KIF1A: variants seen among roughly 807,000 people sequenced by gnomAD.
KIF1A encodes kinesin-like protein KIF1A.
In KIF1A, 46 loss-of-function variants were observed where a neutral mutation model predicts 227.3. That is an observed-to-expected ratio of 0.20 (90% confidence interval 0.16 to 0.26). The LOEUF is 0.26. Among genes scored for constraint, KIF1A ranks in the 10% least tolerant of loss-of-function variants. The pLI, the probability that KIF1A is intolerant of heterozygous loss-of-function variation, is 1.00. For synonymous variants in KIF1A, 1,022 were observed against 1,012.8 expected (o/e 1.01, Z -0.17); for missense variants, 1,683 against 2,485.9 (o/e 0.68, Z 6.87).
intron 17 of KIF1A, among the ~76,000 whole-genome samples, chr2:240,767,871 C>T (rs761453152): frequency 6.6e-6 from 1 of 152,242 alleles, no homozygotes; most frequent in Middle Eastern, 3.2e-3. Flanking sequence ...GAGGGCTCAG[C>T]CCTGGAGTCT....
Position 240,757,223 on chromosome 2 carries a change from C to T in KIF1A, c.2858+96G>A. 7.7e-7 allele frequency: 1 copy of T among 1,300,710 alleles called. No homozygotes were observed. The highest frequency in any genetic ancestry group is 1.4e-5 in the South Asian group (1 of 70,906). The allele number at this position is 1,300,710 out of a possible 1,614,324, so 80.6% of individuals were successfully genotyped here. A position where few individuals can be genotyped will look rare whatever the true frequency, so the allele number is the denominator to read the frequency against. ...CCTGCCTCGCCTGCCCTGGGAGGGC[C>T]CGGGCCAGGCCCCAGCGGTTCCTCT... On this transcript the variant is annotated intron_variant, in intron 27 of 48. Coordinates refer to ENST00000498729, the MANE Select transcript of KIF1A (RefSeq NM_001244008.2). This position sits in a 1 kb window ranked among gnomAD's most constrained non-coding sequence, Gnocchi z 6.2.
At chr2:240,808,578 A>T (rs2057612614) in intron 1 of KIF1A, among the ~76,000 whole-genome samples, 1 of 151,848 alleles carries the variant, frequency 6.6e-6, no homozygotes, top group Admixed American at 6.6e-5. Context: ...AGGCTGAGGT[A>T]GGAGGATCAC....
chr2:240,724,118 C>T (rs1283490965), intron 40 of KIF1A, 82 bp from the exon 41 acceptor site: 2 of 1,212,918 alleles, frequency 1.6e-6, no homozygotes, highest in East Asian at 4.7e-5. Flanking sequence ...TGACTTGCCC[C>T]ACTATCAAAC....
intron 2 of KIF1A, among the ~76,000 whole-genome samples, chr2:240,796,823 C>T (rs2126142673): frequency 6.6e-6 from 1 of 152,310 alleles, no homozygotes; most frequent in Non-Finnish European, 1.5e-5. Flanking sequence ...ACACCTGAAT[C>T]TCCAGCCCCT....
Position 240,726,420 on chromosome 2 carries a change from G to A in KIF1A, c.4122+406C>T, listed in dbSNP as rs2046007432. Reference sequence around the variant, plus strand: ...GAGGCCAGGAGTTTGAGAACAGCCTGGCCAACATGGCAAAACCCCATCTCT... The same window carrying A: ...GAGGCCAGGAGTTTGAGAACAGCCTAGCCAACATGGCAAAACCCCATCTCT... On this transcript the variant is annotated intron_variant, in intron 39 of 48. Coordinates refer to ENST00000498729, the MANE Select transcript of KIF1A (RefSeq NM_001244008.2). The surrounding 1 kb of genome is among the most constrained non-coding windows in gnomAD (Gnocchi z 5.2). Among the ~76,000 whole-genome samples the A allele has an allele frequency of 6.6e-6, 1 of 152,208 alleles. No homozygotes were observed. The highest frequency in any genetic ancestry group is 6.5e-5 in the Admixed American group (1 of 15,288).
chr2:240,777,795 G>T (rs893680878), intron 10 of KIF1A, among the ~76,000 whole-genome samples: 3 of 152,188 alleles, frequency 2.0e-5, no homozygotes, highest in African/African-American at 7.2e-5. Context: ...TGCCGGCCTC[G>T]CCTCCCTGCT....
At chr2:240,772,762 C>T (rs946442784) in intron 13 of KIF1A, among the ~76,000 whole-genome samples, 166 bp from the exon 14 acceptor site, 4 of 152,182 alleles carry the variant, frequency 2.6e-5, no homozygotes, top group African/African-American at 7.2e-5. Flanking sequence ...CGGGGGACCT[C>T]GGTGACCCCA....
chr2:240,751,804 G>A (rs1192921158), intron 27 of KIF1A, among the ~76,000 whole-genome samples: 2 of 151,892 alleles, frequency 1.3e-5, no homozygotes, highest in African/African-American at 4.8e-5. Context: ...GTGGCCCATG[G>A]GTCCATGGAT....
At chr2:240,782,957 G>T in intron 9 of KIF1A, 87 bp downstream of exon 9, 1 of 1,100,982 alleles carries the variant, frequency 9.1e-7, no homozygotes, top group East Asian at 2.4e-5. Context: ...CCAGACACAG[G>T]GCCCGGAAAC....
chr2:240,742,663 C>T (rs558371519), intron 34 of KIF1A, among the ~76,000 whole-genome samples: 1 of 152,266 alleles, frequency 6.6e-6, no homozygotes, highest in South Asian at 2.1e-4. Context: ...CCTGAAGTCC[C>T]CTCAAAGCCC....
chr2:240,767,099 G>T (rs1334853805), intron 18 of KIF1A, 78 bp from the exon 19 acceptor site: 3 of 1,242,004 alleles, frequency 2.4e-6, no homozygotes, highest in Non-Finnish European at 3.4e-6. Flanking sequence ...CTCCAGGGAC[G>T]CCCAACCAGG....
At chr2:240,819,118 C>T (rs1293455132) in intron 1 of KIF1A, 1 of 152,202 alleles carries the variant, frequency 6.6e-6, no homozygotes, top group African/African-American at 2.4e-5. Flanking sequence ...GCGCCCAGCG[C>T]CCCGCTCCTG....
chr2:240,761,085 TG>T (rs1559506533), intron 24 of KIF1A, 143 bp downstream of exon 24: 5 of 1,072,436 alleles, frequency 4.7e-6, no homozygotes, highest in East Asian at 2.4e-5. Flanking sequence ...CCCACCCTTC[TG>T]GGGGGCCAGG....
At chr2:240,765,544 C>T (rs1351615265) in intron 20 of KIF1A, among the ~76,000 whole-genome samples, 166 bp downstream of exon 20, 2 of 152,322 alleles carry the variant, frequency 1.3e-5, no homozygotes, top group East Asian at 3.9e-4. Flanking sequence ...ACTGGGGAGG[C>T]ACATGAGCTG....
At position 240,760,596 on chromosome 2, in the gene KIF1A, C is replaced by G. The variant is rs568720281; in HGVS notation, c.2444+69G>C. On this transcript the variant is annotated intron_variant, in intron 25 of 48. Coordinates refer to ENST00000498729, the MANE Select transcript of KIF1A (RefSeq NM_001244008.2). Reference sequence around the variant, plus strand: ...TCGCTGTGAAGCCTGTGCCTACCACCGCTCCTGTGGCTTCAGCCCTGCCCA... The same window carrying G: ...TCGCTGTGAAGCCTGTGCCTACCACGGCTCCTGTGGCTTCAGCCCTGCCCA... 4 of 1,275,374 alleles carry G rather than the reference C, an allele frequency of 3.1e-6. No homozygotes were observed. The East Asian group carries it at 8.9e-5, about 28-fold the overall frequency. The allele number at this position is 1,275,374 out of a possible 1,614,324, so 79.0% of individuals were successfully genotyped here. A position where few individuals can be genotyped will look rare whatever the true frequency, so the allele number is the denominator to read the frequency against.
intron 1 of KIF1A, among the ~76,000 whole-genome samples, chr2:240,805,465 G>T (rs1411156359): frequency 1.3e-5 from 2 of 152,172 alleles, no homozygotes; most frequent in Non-Finnish European, 2.9e-5. Flanking sequence ...TACCCAAAAT[G>T]ATCCCAGAAA....
chr2:240,786,319 G>A lies in KIF1A; in HGVS notation c.608+16C>T. 6.2e-7 allele frequency: 1 copy of A among 1,609,030 alleles called. No individual in the cohort carries two copies. The highest frequency in any genetic ancestry group is 8.5e-7 in the Non-Finnish European group (1 of 1,176,022). On this transcript the variant is annotated intron_variant, in intron 6 of 48. Transcript: ENST00000498729. ...GGACAGGAGGGCAGGGAGGTCCAGTGAGTCCCTCCACCCACCTGGCCTTGT... is the reference window on the plus strand; with the variant it reads ...GGACAGGAGGGCAGGGAGGTCCAGTAAGTCCCTCCACCCACCTGGCCTTGT...
intron 42 of KIF1A, 130 bp downstream of exon 42, chr2:240,723,283 G>A: frequency 2.5e-6 from 2 of 809,888 alleles, no homozygotes; most frequent in Non-Finnish European, 1.9e-6. Context: ...TCCTGCAGGT[G>A]GCTGTGACTC....
chr2:240,721,886 T>C lies in KIF1A; in HGVS notation c.4666-2A>G. The C allele has an allele frequency of 1.2e-6, 2 of 1,603,640 alleles. No homozygotes were observed. The highest frequency in any genetic ancestry group is 1.7e-6 in the Non-Finnish European group (2 of 1,178,466). The stretch of plus-strand genomic sequence containing the variant: ...TGTGTGCGTGAGCAGGCGCAAGCAC[T>C]GTGGACAGAGCACACGCGTGGTCAG... On this transcript the variant is annotated splice_acceptor_variant, in intron 43 of 48. Transcript: ENST00000498729. LOFTEE classifies it high-confidence loss of function.
Sources: allele counts gnomAD v4.1 joint callset (sites outside exome capture counted in the v4.1 genomes callset), GRCh38; gene constraint gnomAD v4.1.1; non-coding constraint Gnocchi (gnomAD v3.1); transcripts MANE v1.5; gene names NCBI Gene and HGNC (gene_info 2026-07-23, HGNC 2026-07-21).